PKNOX2: variants seen among roughly 807,000 people sequenced by gnomAD.
PKNOX2 encodes homeobox protein PKNOX2.
A neutral mutation model predicts 53.1 loss-of-function variants in PKNOX2; 14 were observed. That is an observed-to-expected ratio of 0.26 (90% CI 0.17 to 0.41). The LOEUF (loss-of-function observed/expected upper bound fraction) is 0.41. Among genes scored for constraint, PKNOX2 ranks in the 10% least tolerant of loss-of-function variants. PKNOX2 has a pLI of 1.00. For missense variants in PKNOX2, 496 were observed against 602.8 expected (o/e 0.82, Z 1.85); for synonymous variants, 257 against 242.8 (o/e 1.06, Z -0.54).
chr11:125,176,356 G>A (rs1028138033), intron 1 of PKNOX2, among the ~76,000 whole-genome samples: 1 of 152,238 alleles, frequency 6.6e-6, no homozygotes, highest in Non-Finnish European at 1.5e-5. Flanking sequence ...GTCAGACCCT[G>A]CGGAGGCGCT....
chr11:125,351,284 G>A lies in PKNOX2; in HGVS notation c.-22G>A, dbSNP rs1349901622. The A allele has an allele frequency of 6.7e-7, 1 of 1,482,164 alleles. No homozygotes were observed. Among genetic ancestry groups the A allele is most frequent in the Admixed American group, 1.7e-5 (1 of 58,264 alleles). The allele number at this position is 1,482,164 out of a possible 1,614,324, so 91.8% of individuals were successfully genotyped here. ...GCGGCCCCCTTTCTCCTGCCCACAG[G>A]TCCTCCATGTGAATCAATCCCATGA... On this transcript the variant is annotated splice_region_variant and 5_prime_UTR_variant, in exon 4 of 13. Transcript: ENST00000298282.
intron 7 of PKNOX2, 46 bp downstream of exon 7, chr11:125,398,108 C>G (rs760582856): frequency 6.4e-7 from 1 of 1,555,994 alleles, no homozygotes; most frequent in Non-Finnish European, 8.7e-7. Flanking sequence ...GGCTCCTAAG[C>G]CCAGCTCTGG....
At chr11:125,305,465 C>T (rs1390038393) in intron 2 of PKNOX2, among the ~76,000 whole-genome samples, 1 of 152,200 alleles carries the variant, frequency 6.6e-6, no homozygotes, top group Admixed American at 6.5e-5. Flanking sequence ...CGCATACACC[C>T]TCCAGCACCC....
intron 2 of PKNOX2, among the ~76,000 whole-genome samples, chr11:125,288,493 C>T (rs10893362): frequency 0.13 from 19,502 of 152,258 alleles, 1,461 homozygotes; most frequent in East Asian, 0.23. Context: ...ACCCTGTCTC[C>T]AGCTCCCAGC....
chr11:125,215,918 A>C (rs1940444941), intron 1 of PKNOX2, among the ~76,000 whole-genome samples: 1 of 152,186 alleles, frequency 6.6e-6, no homozygotes, highest in Non-Finnish European at 1.5e-5. Context: ...TCAGTCATTT[A>C]TTCTCTGCAT....
chr11:125,320,572 C>T (rs377751494), intron 2 of PKNOX2, among the ~76,000 whole-genome samples: 1 of 152,180 alleles, frequency 6.6e-6, no homozygotes, highest in Non-Finnish European at 1.5e-5. Flanking sequence ...AAGCCTGCAA[C>T]CTCCATTGGC....
At position 125,225,480 on chromosome 11, in the gene PKNOX2, T is replaced by C. The variant is rs565719629; in HGVS notation, c.-200-9565T>C. Reference sequence around the variant, plus strand: ...TGTGAAATGAGGAGGTCAAGAGAGATGATCTCTAAGAGTCTGCCCAGGCCC... The same window carrying C: ...TGTGAAATGAGGAGGTCAAGAGAGACGATCTCTAAGAGTCTGCCCAGGCCC... On this transcript the variant is annotated intron_variant, in intron 1 of 12. Transcript: ENST00000298282. 7.2e-5 allele frequency among the ~76,000 whole-genome samples: 11 copies of C among 152,322 alleles called. No homozygotes were observed. The South Asian group carries it at 2.3e-3, about 32-fold the overall frequency.
chr11:125,295,305 TC>T (rs1476710817), intron 2 of PKNOX2, among the ~76,000 whole-genome samples: 1 of 152,192 alleles, frequency 6.6e-6, no homozygotes, highest in Non-Finnish European at 1.5e-5. Context: ...CAGCTGGACG[TC>T]CAAAGAAAAT....
At chr11:125,256,280 C>T (rs756761596) in intron 2 of PKNOX2, among the ~76,000 whole-genome samples, 12 of 152,084 alleles carry the variant, frequency 7.9e-5, no homozygotes, top group Non-Finnish European at 1.8e-4. Context: ...AAGCCAGGAG[C>T]CTGCCTAGGA....
intron 2 of PKNOX2, among the ~76,000 whole-genome samples, chr11:125,303,310 G>T (rs7116237): frequency 1.3e-5 from 2 of 152,034 alleles, no homozygotes; most frequent in Non-Finnish European, 2.9e-5. Flanking sequence ...CCTCACTTTT[G>T]CAGATGAGCA....
chr11:125,419,931 A>T (rs939117749), intron 10 of PKNOX2, among the ~76,000 whole-genome samples: 50 of 151,484 alleles, frequency 3.3e-4, no homozygotes, highest in Admixed American at 6.6e-4. Flanking sequence ...ACCTGTAATC[A>T]TGCCAGCACT....
intron 4 of PKNOX2, among the ~76,000 whole-genome samples, chr11:125,367,502 G>A (rs1035618442): frequency 2.0e-5 from 3 of 152,138 alleles, no homozygotes; most frequent in Non-Finnish European, 4.4e-5. Flanking sequence ...TGGGCCAAAC[G>A]ACTCATAAGC....
chr11:125,367,555 G>C (rs955550054), intron 4 of PKNOX2, among the ~76,000 whole-genome samples: 4 of 152,148 alleles, frequency 2.6e-5, no homozygotes, highest in African/African-American at 4.8e-5. Context: ...CTACTTCTGG[G>C]CAAGGGTTAC....
At position 125,276,974 on chromosome 11, in the gene PKNOX2, T is replaced by C. The variant is rs79096524; in HGVS notation, c.-130+41859T>C. ...GTCAGCATGGCAGTAGCTGAAGTAT[T>C]GGATAGTGGAATCAGAGCTGGGCAA... On this transcript the variant is annotated intron_variant, in intron 2 of 12. Transcript: ENST00000298282. 6.3e-3 allele frequency among the ~76,000 whole-genome samples: 966 copies of C among 152,206 alleles called. 12 individuals carry two copies. The highest frequency in any genetic ancestry group is 0.022 in the African/African-American group (924 of 41,532).
chr11:125,398,775 C>T (rs189042894), intron 7 of PKNOX2, among the ~76,000 whole-genome samples: 22 of 152,332 alleles, frequency 1.4e-4, no homozygotes, highest in Admixed American at 8.5e-4. Flanking sequence ...AATACCTTCC[C>T]GCCCAACTCA....
intron 7 of PKNOX2, among the ~76,000 whole-genome samples, chr11:125,409,452 C>T (rs779731262): frequency 2.0e-5 from 3 of 152,124 alleles, no homozygotes; most frequent in African/African-American, 7.2e-5. Context: ...AGAACAGGAT[C>T]GATGCCATGT....
chr11:125,429,039 A>G lies in PKNOX2; in HGVS notation c.964A>G (p.Arg322Gly). The change falls in exon 11 of 13, where the codon AGG (arginine) becomes GGG (glycine). Residue 322 changes from arginine (R) to glycine (G), a missense_variant. By Grantham distance (125) the Arg-to-Gly change is moderately radical. Around this residue, in one of 5 missense-constraint regions of PKNOX2, gnomAD observed 36 missense variants for 81.9 expected, o/e 0.44. Transcript: ENST00000298282. ...CCCCTACCCCACGGAGGATGAGAAGAGGCAGATCGCAGCCCAGACCAACCT... is the reference window on the plus strand; with the variant it reads ...CCCCTACCCCACGGAGGATGAGAAGGGGCAGATCGCAGCCCAGACCAACCT... Reference protein sequence around the residue: ...MHPYPTEDEKRQIAAQTNLTL... With the variant: ...MHPYPTEDEKGQIAAQTNLTL... The G allele has an allele frequency of 6.2e-7, 1 of 1,613,924 alleles. No individual in the cohort carries two copies. Among genetic ancestry groups the G allele is most frequent in the Non-Finnish European group, 8.5e-7 (1 of 1,179,806 alleles).
chr11:125,368,029 AGGCCC>A, intron 5 of PKNOX2, 44 bp downstream of exon 5: 1 of 1,589,072 alleles, frequency 6.3e-7, no homozygotes, highest in Non-Finnish European at 8.6e-7. Context: ...AACCAGCTTC[AGGCCC>A]AGCTCAGCTG....
intron 2 of PKNOX2, among the ~76,000 whole-genome samples, chr11:125,260,124 C>T (rs553857591): frequency 5.3e-4 from 81 of 152,028 alleles, no homozygotes; most frequent in Non-Finnish European, 2.5e-4. Flanking sequence ...GTGATCCTCC[C>T]GCCTCAGCCC....
Sources: gnomAD v4.1 joint callset for allele counts (sites outside exome capture counted in the v4.1 genomes callset) on GRCh38, gnomAD v4.1.1 for gene constraint, gnomAD v4.1.1 regional missense constraint, MANE v1.5 for transcripts, NCBI Gene and HGNC (gene_info 2026-07-23, HGNC 2026-07-21) for gene names.